DLC1: variants seen among roughly 807,000 people sequenced by gnomAD.
DLC1 encodes rho GTPase-activating protein 7.
A neutral mutation model predicts 140.3 loss-of-function variants in DLC1; 54 were observed. That is an observed-to-expected ratio of 0.38 (90% CI 0.31 to 0.48). DLC1 has a LOEUF of 0.48. DLC1 is among the 20% of genes least tolerant of loss of function. The probability of loss-of-function intolerance (pLI) is 0.96; values close to 1 mark genes in which losing one functional copy is unlikely to be tolerated. For synonymous variants in DLC1, 986 were observed against 728.1 expected (o/e 1.35, Z -5.70); for missense variants, 2,536 against 1,907.0 (o/e 1.33, Z -6.14).
intron 2 of DLC1, among the ~76,000 whole-genome samples, chr8:13,444,989 C>T (rs1360730421): frequency 1.3e-5 from 2 of 151,368 alleles, no homozygotes; most frequent in East Asian, 3.9e-4. Context: ...ACGAAAAAGG[C>T]AGGATGATAG....
intron 1 of DLC1, among the ~76,000 whole-genome samples, chr8:13,551,861 T>C (rs930370509): frequency 1.0e-4 from 13 of 127,064 alleles, no homozygotes; most frequent in African/African-American, 3.7e-4. Flanking sequence ...TCTAGACAAG[T>C]GTGTGTATAT....
chr8:13,116,749 A>C (rs1238530629), intron 5 of DLC1, among the ~76,000 whole-genome samples: 1 of 152,200 alleles, frequency 6.6e-6, no homozygotes, highest in Non-Finnish European at 1.5e-5. Context: ...TCATTAAAGC[A>C]AGTGGGAATT....
chr8:13,090,412 A>G lies in DLC1; in HGVS notation c.3914T>C (p.Leu1305Pro), dbSNP rs1284562677. The G allele has an allele frequency of 6.2e-7, 1 of 1,614,148 alleles. No individual in the cohort carries two copies. ...CAGGTGCCCGAGTGCTTCCAGAGTG[A>G]GGGGCTTCAGCTCTTGTTCGGTATA... ...NSYTEQELKP[L>P]TLEALGHLGN... is the part of the protein sequence containing the mutation. Residue 1305 changes from leucine (L) to proline (P), a missense_variant, in exon 15 of 18, where the codon CTC becomes CCC. By Grantham distance (98) the Leu-to-Pro change is moderately conservative (BLOSUM62 -3). Coordinates refer to ENST00000276297, the MANE Select transcript of DLC1 (RefSeq NM_182643.3).
At chr8:13,164,552 A>G (rs2116892055) in intron 5 of DLC1, among the ~76,000 whole-genome samples, 1 of 152,200 alleles carries the variant, frequency 6.6e-6, no homozygotes, top group African/African-American at 2.4e-5. Flanking sequence ...TCTTGGCATT[A>G]ATTTTAACGG....
In DLC1 at chr8:13,126,490, G is replaced by A. The variant is rs187914743; in HGVS notation, c.1349-10833C>T. 3.9e-5 allele frequency among the ~76,000 whole-genome samples: 6 copies of A among 152,116 alleles called. No homozygotes were observed. The East Asian group carries it at 1.2e-3, about 29-fold the overall frequency. On this transcript the variant is annotated intron_variant, in intron 5 of 17. Coordinates refer to ENST00000276297, the MANE Select transcript of DLC1 (RefSeq NM_182643.3). Reference sequence around the variant, plus strand: ...TAATTTGGAATAGCTCATAAAGTACGAAGTCCTTTGAAGATGATAACTGCA... The same window carrying A: ...TAATTTGGAATAGCTCATAAAGTACAAAGTCCTTTGAAGATGATAACTGCA...
chr8:13,179,137 C>G (rs1825906368), intron 5 of DLC1, among the ~76,000 whole-genome samples: 1 of 152,128 alleles, frequency 6.6e-6, no homozygotes, highest in African/African-American at 2.4e-5. Flanking sequence ...TGAAGAATTT[C>G]ATGAGTATAA....
intron 1 of DLC1, among the ~76,000 whole-genome samples, chr8:13,504,491 G>T (rs1254728919): frequency 6.6e-6 from 1 of 152,172 alleles, no homozygotes; most frequent in Non-Finnish European, 1.5e-5. Flanking sequence ...CAGAACAAAT[G>T]ATTCAAGTCT....
At chr8:13,234,666 C>T (rs985921991) in intron 5 of DLC1, among the ~76,000 whole-genome samples, 2 of 151,776 alleles carry the variant, frequency 1.3e-5, no homozygotes, top group Admixed American at 6.6e-5. Flanking sequence ...GTCTAGGGTT[C>T]TACTTGAGAT....
intron 1 of DLC1, among the ~76,000 whole-genome samples, chr8:13,513,922 C>T (rs549514078): frequency 2.6e-5 from 4 of 152,238 alleles, no homozygotes; most frequent in Non-Finnish European, 4.4e-5. Flanking sequence ...CCGGAGCAAG[C>T]AGTGAATCCA....
chr8:13,522,387 G>A (rs1431062706), intron 1 of DLC1, among the ~76,000 whole-genome samples: 1 of 152,132 alleles, frequency 6.6e-6, no homozygotes, highest in Non-Finnish European at 1.5e-5. Flanking sequence ...CACTTTGGGA[G>A]GCTGAGGCGG....
chr8:13,445,649 T>C (rs1412434577), intron 2 of DLC1, among the ~76,000 whole-genome samples: 2 of 152,226 alleles, frequency 1.3e-5, no homozygotes, highest in African/African-American at 2.4e-5. Flanking sequence ...CCAGTGACTA[T>C]AGACTTAACT....
rs112878359 is a variant in DLC1 at position 13,399,372 on chromosome 8, T to A, written c.1173+2098A>T. ...TAATGTGGATGCAAATCTCACCTGC[T>A]GGGTGACCTTTGGTAAATAACTCAC... On this transcript the variant is annotated intron_variant, in intron 3 of 17. Coordinates refer to ENST00000276297, the MANE Select transcript of DLC1 (RefSeq NM_182643.3). 3.3e-3 allele frequency among the ~76,000 whole-genome samples: 499 copies of A among 152,304 alleles called. 1 individual carries two copies. The highest frequency in any genetic ancestry group is 5.2e-3 in the South Asian group (25 of 4,824).
At chr8:13,518,786 A>G (rs1172579816), upstream of DLC1, among the ~76,000 whole-genome samples, 1 of 152,198 alleles carries the variant, frequency 6.6e-6, no homozygotes, top group Non-Finnish European at 1.5e-5. Flanking sequence ...ATCTACATGC[A>G]TACAGTTAGT....
intron 1 of DLC1, among the ~76,000 whole-genome samples, chr8:13,531,084 A>C (rs894726285): frequency 6.6e-6 from 1 of 152,130 alleles, no homozygotes; most frequent in African/African-American, 2.4e-5. Flanking sequence ...TGCCAGGTGA[A>C]GACATGGGAA....
At chr8:13,578,049 C>G (rs140159339) in intron 1 of DLC1, among the ~76,000 whole-genome samples, 1 of 151,890 alleles carries the variant, frequency 6.6e-6, no homozygotes, top group African/African-American at 2.4e-5. Context: ...ACACACTCAA[C>G]AATTTGTTTT....
intron 5 of DLC1, among the ~76,000 whole-genome samples, chr8:13,158,982 CCAGCGCTGTATTCATACAAA>C: frequency 6.6e-6 from 1 of 152,122 alleles, no homozygotes; most frequent in South Asian, 2.1e-4. Flanking sequence ...ACTCTGGGAA[CCAGCGCTGTATTCATACAAA>C]CAGCTGCAGA....
At chr8:13,351,628 A>T (rs926096496) in intron 4 of DLC1, among the ~76,000 whole-genome samples, 1 of 152,228 alleles carries the variant, frequency 6.6e-6, no homozygotes, top group Admixed American at 6.5e-5. Context: ...TGGTTTGTTT[A>T]TGTATTGTTT....
chr8:13,545,792 T>C (rs1585260394), intron 1 of DLC1, among the ~76,000 whole-genome samples: 1 of 152,160 alleles, frequency 6.6e-6, no homozygotes, highest in African/African-American at 2.4e-5. Context: ...TTTGTGATGT[T>C]TAAAGAAATC....
intron 2 of DLC1, among the ~76,000 whole-genome samples, chr8:13,457,347 C>A (rs769655776): frequency 4.0e-5 from 6 of 151,830 alleles, no homozygotes; most frequent in Non-Finnish European, 5.9e-5. Context: ...ATTGGTAATG[C>A]CTGGAAAATT....
Sources: gnomAD v4.1 joint callset for allele counts (sites outside exome capture counted in the v4.1 genomes callset) on GRCh38, gnomAD v4.1.1 for gene constraint, MANE v1.5 for transcripts, NCBI Gene and HGNC (gene_info 2026-07-23, HGNC 2026-07-21) for gene names.